The following VAV2 variants were observed in gnomAD, a reference collection of about 807,000 sequenced individuals.
VAV2 encodes the protein guanine nucleotide exchange factor VAV2.
VAV2 carries 67 observed loss-of-function variants against 132.5 expected under a neutral mutation model. The observed-to-expected ratio is 0.51, with a 90% CI of 0.42 to 0.62. VAV2 has a LOEUF of 0.62. VAV2 is among the 20% of genes least tolerant of loss of function. The pLI is 0.00. For missense variants in VAV2, 938 were observed against 1,153.6 expected, an observed-to-expected ratio of 0.81 and a Z score of 2.71; for synonymous variants, 492 against 443.5, an observed-to-expected ratio of 1.11 and a Z score of -1.37.
chr9:133,796,659 G>C, intron 10 of VAV2, 135 bp from the exon 11 acceptor site: 1 of 748,204 alleles, frequency 1.3e-6, no homozygotes, highest in Non-Finnish European at 2.1e-6. Context: ...CTCTAGCCAG[G>C]CTCCCGGAAC....
At chr9:133,776,205 G>C in intron 23 of VAV2, 125 bp from the exon 24 acceptor site, 2 of 1,348,510 alleles carry the variant, frequency 1.5e-6, no homozygotes, top group Non-Finnish European at 9.8e-7. Flanking sequence ...ACTGTCTGTG[G>C]ACTTAGCCCC....
intron 1 of VAV2, among the ~76,000 whole-genome samples, chr9:133,979,124 G>A (rs1422812165): frequency 6.6e-6 from 1 of 152,212 alleles, no homozygotes; most frequent in South Asian, 2.1e-4. Context: ...CGTGCCAGGG[G>A]TGGTGGTGTC....
intron 2 of VAV2, among the ~76,000 whole-genome samples, chr9:133,886,484 C>A (rs1838714512): frequency 6.6e-6 from 1 of 152,218 alleles, no homozygotes; most frequent in African/African-American, 2.4e-5. Flanking sequence ...CAGCTCTAAC[C>A]TCGTCCCAGA....
At position 133,928,138 on chromosome 9, in the gene VAV2, G is replaced by A. The variant is rs918634805; in HGVS notation, c.321+10965C>T. Among the ~76,000 whole-genome samples, 4 of 152,002 alleles carry A rather than the reference G, an allele frequency of 2.6e-5. No individual in the cohort carries two copies. The highest frequency in any genetic ancestry group is 1.3e-4 in the Admixed American group (2 of 15,268). On this transcript the variant is annotated intron_variant, in intron 2 of 29. Transcript: ENST00000371850. This position sits in a 1 kb window ranked among gnomAD's most constrained non-coding sequence, Gnocchi z 5.4. ...CCTCTCCCATCCCCAGTTATAAAAC[G>A]GCGGGTCAGCATCCGATGGGCTTAC...
At chr9:133,803,850 C>G (rs1564363098) in intron 9 of VAV2, among the ~76,000 whole-genome samples, 2 of 152,150 alleles carry the variant, frequency 1.3e-5, no homozygotes, top group African/African-American at 4.8e-5. Flanking sequence ...TCCAGCCCTT[C>G]CCTGGAGAAC....
rs117197772 is a variant in VAV2, at chr9:133,951,218, C to T, written c.205-11999G>A. On this transcript the variant is annotated intron_variant, in intron 1 of 29. Transcript: ENST00000371850. ...GCAGCAAGGTGGGAGGCGGCCTCTT[C>T]CCCTGCAGAAGGCCACAAGCCAGCC... 4.6e-3 allele frequency among the ~76,000 whole-genome samples: 696 copies of T among 152,330 alleles called. 11 individuals are homozygous for T. Among genetic ancestry groups the T allele is most frequent in the South Asian group, 0.045 (218 of 4,828 alleles).
In VAV2 at chr9:133,772,875, A is replaced by G. The variant is rs112712156; in HGVS notation, c.2136-829T>C. ...TGCACACCCCACACCTAGGCTGGAC[A>G]GCAGAGCCTACTGCACACCCCACAT... On this transcript the variant is annotated intron_variant, in intron 25 of 29. Transcript: ENST00000371850. Among the ~76,000 whole-genome samples, 493 of 129,502 alleles carry G rather than the reference A, an allele frequency of 3.8e-3. 2 individuals carry two copies. The highest frequency in any genetic ancestry group is 0.022 in the Middle Eastern group (4 of 186). The allele number at this position is 129,502 out of a possible 152,430, so 85.0% of individuals were successfully genotyped here.
At chr9:133,874,825 C>T (rs780016580) in intron 2 of VAV2, among the ~76,000 whole-genome samples, 2 of 152,190 alleles carry the variant, frequency 1.3e-5, no homozygotes, top group African/African-American at 2.4e-5. Context: ...TCTCCCTCCC[C>T]AGCCCACAAC....
chr9:133,878,095 A>G (rs1838335399), intron 2 of VAV2, among the ~76,000 whole-genome samples: 1 of 152,160 alleles, frequency 6.6e-6, no homozygotes, highest in African/African-American at 2.4e-5. Context: ...CCTTAGGCTC[A>G]GCAGGCGAAG....
chr9:133,848,486 A>C (rs143893792), intron 3 of VAV2, among the ~76,000 whole-genome samples: 6 of 152,194 alleles, frequency 3.9e-5, no homozygotes, highest in Admixed American at 3.9e-4. Flanking sequence ...GTGAGTGTTC[A>C]AAGTAATTAC....
intron 3 of VAV2, among the ~76,000 whole-genome samples, chr9:133,851,647 G>A (rs1837171415): frequency 1.3e-5 from 2 of 151,982 alleles, no homozygotes. Context: ...ATAGGGCAGA[G>A]CGAAATGGAC....
intron 3 of VAV2, among the ~76,000 whole-genome samples, chr9:133,856,926 C>T (rs183823167): frequency 6.6e-6 from 1 of 152,280 alleles, no homozygotes; most frequent in East Asian, 1.9e-4. Flanking sequence ...GGACATCCAC[C>T]TAGCAGCCGC....
intron 13 of VAV2, among the ~76,000 whole-genome samples, chr9:133,789,959 T>G (rs1834386426): frequency 6.6e-6 from 1 of 152,240 alleles, no homozygotes; most frequent in African/African-American, 2.4e-5. Context: ...GGGCCCTGCC[T>G]GGGAGGTGCT....
intron 6 of VAV2, 92 bp from the exon 7 acceptor site, chr9:133,809,230 A>G (rs1040897857): frequency 4.4e-6 from 5 of 1,127,860 alleles, no homozygotes; most frequent in South Asian, 1.4e-5. Flanking sequence ...CACCTCCACA[A>G]AAGAGGACTC....
intron 5 of VAV2, among the ~76,000 whole-genome samples, chr9:133,810,554 G>A (rs1256566034): frequency 6.6e-6 from 1 of 152,232 alleles, no homozygotes; most frequent in Non-Finnish European, 1.5e-5. Flanking sequence ...GACCCTGGCA[G>A]GAAGCAGGAA....
chr9:133,806,434 C>G (rs918777407), intron 8 of VAV2, among the ~76,000 whole-genome samples: 1 of 152,188 alleles, frequency 6.6e-6, no homozygotes, highest in African/African-American at 2.4e-5. Context: ...CCATCAGACA[C>G]GCAGCGGCCG....
At chr9:133,915,533 G>A (rs1294346864) in intron 2 of VAV2, among the ~76,000 whole-genome samples, 1 of 152,172 alleles carries the variant, frequency 6.6e-6, no homozygotes, top group Non-Finnish European at 1.5e-5. Context: ...TGGGCCCCTT[G>A]TCTCCATGGA....
rs1348710701 is a variant in VAV2, at chr9:133,776,034, T to C, written c.2012A>G (p.Tyr671Cys). 1.2e-6 allele frequency: 2 copies of C among 1,611,904 alleles called. No homozygotes were observed. The highest frequency in any genetic ancestry group is 3.3e-5 in the Admixed American group (2 of 59,932). ...PPSREIDYTA[Y>C]PWFAGNMERQ... is the part of the protein sequence containing the mutation. ...CAGCCCACGATCCACTCACCAGGGG[T>C]ATGCAGTGTAGTCGATCTCCCGGGA... Residue 671 changes from tyrosine to cysteine, a missense_variant, in exon 24 of 30, where the codon TAC becomes TGC. By Grantham distance (194) the Tyr-to-Cys change is radical. Coordinates refer to ENST00000371850, the MANE Select transcript of VAV2 (RefSeq NM_001134398.2).
chr9:133,957,486 C>T (rs1159458042), intron 1 of VAV2, among the ~76,000 whole-genome samples: 2 of 152,072 alleles, frequency 1.3e-5, no homozygotes, highest in Non-Finnish European at 2.9e-5. Flanking sequence ...CATATTGCGT[C>T]CTGGTGCCCC....
Sources: allele counts gnomAD v4.1 joint callset (sites outside exome capture counted in the v4.1 genomes callset), GRCh38; gene constraint gnomAD v4.1.1; non-coding constraint Gnocchi (gnomAD v3.1); transcripts MANE v1.5; gene names NCBI Gene and HGNC (gene_info 2026-07-23, HGNC 2026-07-21).